SCHIP1: variants seen among roughly 807,000 people sequenced by gnomAD.
The protein encoded by SCHIP1 is schwannomin interacting protein 1, also known as schwannomin-interacting protein 1.
SCHIP1 carries 8 observed loss-of-function variants against 29.7 expected under a neutral mutation model. The ratio of observed to expected loss-of-function variants is 0.27; its 90% CI spans 0.16 to 0.49. The LOEUF (loss-of-function observed/expected upper bound fraction) is 0.49, where lower values mean the gene tolerates loss of function less well. Among genes scored for constraint, SCHIP1 ranks in the 20% least tolerant of loss-of-function variants. SCHIP1 has a pLI of 0.99. For missense variants in SCHIP1, 193 were observed against 294.6 expected (o/e 0.66, Z 2.52); for synonymous variants, 76 against 94.9 (o/e 0.80, Z 1.16).
the SCHIP1 span, among the ~76,000 whole-genome samples, chr3:159,426,504 T>C: frequency 6.6e-6 from 1 of 152,224 alleles, no homozygotes; most frequent in Non-Finnish European, 1.5e-5. Flanking sequence ...AATCTCTGAA[T>C]AGACCAATAA....
chr3:159,785,210 A>G, the SCHIP1 span, among the ~76,000 whole-genome samples: 1 of 152,228 alleles, frequency 6.6e-6, no homozygotes, highest in Non-Finnish European at 1.5e-5. Context: ...GAATAAAATA[A>G]AAAGGTTGCA....
the SCHIP1 span, among the ~76,000 whole-genome samples, chr3:159,701,758 C>A: frequency 6.6e-6 from 1 of 151,002 alleles, no homozygotes; most frequent in African/African-American, 2.4e-5. Flanking sequence ...CCTCAGTGAC[C>A]TTTTTTTTTC....
chr3:159,283,314 G>A, the SCHIP1 span, among the ~76,000 whole-genome samples: 12 of 152,164 alleles, frequency 7.9e-5, no homozygotes, highest in Admixed American at 7.2e-4. Context: ...CACCATGCCC[G>A]GCTAATTTTT....
At chr3:159,656,391 T>C in the SCHIP1 span, among the ~76,000 whole-genome samples, 358 of 152,290 alleles carry the variant, frequency 2.4e-3, no homozygotes, top group South Asian at 0.01. Context: ...GCCCATGTTC[T>C]TCTTGCTGCC....
the SCHIP1 span, among the ~76,000 whole-genome samples, chr3:159,782,380 T>G: frequency 6.6e-6 from 1 of 152,376 alleles, no homozygotes; most frequent in South Asian, 2.1e-4. Flanking sequence ...GAAGTTAGCC[T>G]CTGTAACCTT....
the SCHIP1 span, among the ~76,000 whole-genome samples, chr3:159,297,354 A>G: frequency 6.6e-6 from 1 of 152,066 alleles, no homozygotes. Flanking sequence ...TTCTATTTTT[A>G]ATTTTTCGAG....
the SCHIP1 span, among the ~76,000 whole-genome samples, chr3:159,465,912 A>G: frequency 3.3e-5 from 5 of 152,194 alleles, no homozygotes; most frequent in Admixed American, 3.3e-4. Flanking sequence ...TGACTTAAAT[A>G]AAATGAACAA....
chr3:159,414,505 A>C, the SCHIP1 span, among the ~76,000 whole-genome samples: 1 of 152,154 alleles, frequency 6.6e-6, no homozygotes, highest in Admixed American at 6.5e-5. Flanking sequence ...CAGTTTAGAA[A>C]TTCCAAATTT....
At chr3:159,587,460 G>T in the SCHIP1 span, among the ~76,000 whole-genome samples, 1 of 151,618 alleles carries the variant, frequency 6.6e-6, no homozygotes, top group Non-Finnish European at 1.5e-5. Flanking sequence ...CATTTGACGT[G>T]AATACATAAC....
the SCHIP1 span, among the ~76,000 whole-genome samples, chr3:159,371,656 T>A: frequency 1.3e-5 from 2 of 152,322 alleles, no homozygotes; most frequent in Middle Eastern, 3.4e-3. Flanking sequence ...CTACCAAGGA[T>A]ACCAAAATTC....
the SCHIP1 span, among the ~76,000 whole-genome samples, chr3:159,558,499 A>G: frequency 1.9e-3 from 291 of 152,320 alleles, 2 homozygotes; most frequent in African/African-American, 6.6e-3. Flanking sequence ...TGGGGAGAGC[A>G]CATCTAACTT....
chr3:159,653,279 C>A, the SCHIP1 span, among the ~76,000 whole-genome samples: 23,654 of 152,016 alleles, frequency 0.16, 5,089 homozygotes, highest in African/African-American at 0.49. Context: ...CTATAAAGAC[C>A]CATATACACC....
the SCHIP1 span, among the ~76,000 whole-genome samples, chr3:159,696,601 T>C: frequency 6.6e-6 from 1 of 152,224 alleles, no homozygotes; most frequent in East Asian, 1.9e-4. Flanking sequence ...TGTCCTACAA[T>C]AGTGGGCAAC....
the SCHIP1 span, among the ~76,000 whole-genome samples, chr3:159,618,000 GA>G: frequency 6.6e-6 from 1 of 151,310 alleles, no homozygotes; most frequent in Admixed American, 6.6e-5. Flanking sequence ...GTGAAAAACA[GA>G]AAAAAAAATT....
the SCHIP1 span, among the ~76,000 whole-genome samples, chr3:159,699,982 G>A: frequency 5.0e-3 from 766 of 152,244 alleles, 10 homozygotes; most frequent in Admixed American, 0.024. Context: ...TACAATGGGT[G>A]CAATTGGTGC....
At chr3:159,440,106 A>G in the SCHIP1 span, among the ~76,000 whole-genome samples, 1 of 152,116 alleles carries the variant, frequency 6.6e-6, no homozygotes, top group Non-Finnish European at 1.5e-5. Flanking sequence ...ATCCAGTTTC[A>G]ATTTTCTGCA....
At chr3:159,765,729 C>G in the SCHIP1 span, 1 of 152,230 alleles carries the variant, frequency 6.6e-6, no homozygotes. Context: ...TTATGAAACC[C>G]GAGTTATTGT....
At chr3:159,772,438 C>T in the SCHIP1 span, among the ~76,000 whole-genome samples, 5 of 152,208 alleles carry the variant, frequency 3.3e-5, no homozygotes, top group Non-Finnish European at 7.3e-5. Context: ...CCACCACGCC[C>T]GGCCCATAAC....
chr3:159,503,028 A>G, the SCHIP1 span, among the ~76,000 whole-genome samples: 2 of 152,192 alleles, frequency 1.3e-5, no homozygotes, highest in African/African-American at 4.8e-5. Context: ...TCCCCAGGAG[A>G]CACTGGAAGT....
Sources: gnomAD v4.1 joint callset for allele counts (sites outside exome capture counted in the v4.1 genomes callset) on GRCh38, gnomAD v4.1.1 for gene constraint, MANE v1.5 for transcripts, NCBI Gene and HGNC (gene_info 2026-07-23, HGNC 2026-07-21) for gene names.